Variants in NEXMIF observed in about 807,000 individuals in gnomAD.
NEXMIF encodes the protein XLMR protein related to neurite extension.
A neutral mutation model predicts 62.1 loss-of-function variants in NEXMIF; 8 were observed. The observed-to-expected ratio is 0.13, with a 90% CI of 0.08 to 0.23. NEXMIF has a LOEUF of 0.23. NEXMIF is among the 10% of genes least tolerant of loss of function. The probability of loss-of-function intolerance (pLI) is 1.00; values close to 1 mark genes in which losing one functional copy is unlikely to be tolerated. For missense variants in NEXMIF, 976 were observed against 1,113.3 expected, an observed-to-expected ratio of 0.88 and a Z score of 1.75; for synonymous variants, 404 against 416.6, an observed-to-expected ratio of 0.97 and a Z score of 0.37.
At chrX:74,852,087 GAC>G (rs2080516462) in intron 1 of NEXMIF, among the ~76,000 whole-genome samples, 1 of 110,246 alleles carries the variant, frequency 9.1e-6, no homozygotes, top group African/African-American at 3.3e-5. Context: ...CACCTGTAAA[GAC>G]ACATATAGAT....
At chrX:74,815,880 C>T (rs2080374546) in intron 1 of NEXMIF, among the ~76,000 whole-genome samples, 1 of 110,377 alleles carries the variant, frequency 9.1e-6, no homozygotes, top group Non-Finnish European at 1.9e-5. Context: ...GTGATCCACC[C>T]GCCTCGGCAT....
chrX:74,763,797 A>G (rs982192569), intron 1 of NEXMIF, among the ~76,000 whole-genome samples: 2 of 111,772 alleles, frequency 1.8e-5, no homozygotes, highest in Non-Finnish European at 3.8e-5. Flanking sequence ...AAGAATGCTT[A>G]TAATTTTTGC....
At chrX:74,849,972 A>G (rs1234197220) in intron 1 of NEXMIF, among the ~76,000 whole-genome samples, 1 of 112,315 alleles carries the variant, frequency 8.9e-6, no homozygotes, top group African/African-American at 3.2e-5. Flanking sequence ...CCATCCAAGC[A>G]TTCCACTAGA....
chrX:74,778,358 A>G (rs1304375479), intron 1 of NEXMIF, among the ~76,000 whole-genome samples: 11 of 111,206 alleles, frequency 9.9e-5, no homozygotes, highest in Non-Finnish European at 1.5e-4. Flanking sequence ...TACAGATTGT[A>G]TCTCCTCTGA....
At chrX:74,862,151 C>T (rs942527373) in intron 1 of NEXMIF, among the ~76,000 whole-genome samples, 1 of 111,137 alleles carries the variant, frequency 9.0e-6, no homozygotes, top group Non-Finnish European at 1.9e-5. Context: ...GGAAAATTTA[C>T]CCAGCCAATG....
At chrX:74,796,222 C>CATATATAATATATATATATATACAT (rs2080309577) in intron 1 of NEXMIF, among the ~76,000 whole-genome samples, 2 of 54,108 alleles carry the variant, frequency 3.7e-5, no homozygotes, top group Non-Finnish European at 6.2e-5. Flanking sequence ...TATATATATA[C>CATATATAATATATATATATATACAT]ATATATAATA....
At chrX:74,798,873 G>C (rs750932886) in intron 1 of NEXMIF, among the ~76,000 whole-genome samples, 2 of 109,063 alleles carry the variant, frequency 1.8e-5, no homozygotes, top group Admixed American at 2.0e-4. Flanking sequence ...GTAAAGAGAA[G>C]GGGAAGTAGA....
chrX:74,874,490 C>T (rs1244642213), intron 1 of NEXMIF, among the ~76,000 whole-genome samples: 1 of 109,766 alleles, frequency 9.1e-6, no homozygotes, highest in Non-Finnish European at 1.9e-5. Flanking sequence ...TTTTTTGGTT[C>T]CATATGAACT....
chrX:74,768,243 C>T (rs887386361), intron 1 of NEXMIF, among the ~76,000 whole-genome samples: 1 of 111,673 alleles, frequency 9.0e-6, no homozygotes, highest in African/African-American at 3.3e-5. Flanking sequence ...TCCCCTGGCT[C>T]CATGTCACTC....
At chrX:74,881,551 G>C (rs1463699508) in intron 1 of NEXMIF, among the ~76,000 whole-genome samples, 1 of 111,688 alleles carries the variant, frequency 9.0e-6, no homozygotes, top group African/African-American at 3.3e-5. Context: ...ACTTCTTTTT[G>C]TATGTGTGGT....
rs150067987 is a variant in NEXMIF at position 74,769,412 on chromosome X, C to G, written c.-47-23715G>C. Among the ~76,000 whole-genome samples the G allele has an allele frequency of 2.0e-3, 221 of 111,771 alleles. 1 individual carries two copies. The highest frequency in any genetic ancestry group is 3.5e-3 in the Non-Finnish European group (187 of 53,163). On this transcript the variant is annotated intron_variant, in intron 1 of 3. Coordinates refer to ENST00000055682, the MANE Select transcript of NEXMIF (RefSeq NM_001008537.3). The stretch of plus-strand genomic sequence containing the variant: ...AGGTATGCAGAAGGCACACAACATG[C>G]AATGAACCTGCTACAGTGCCAATTA...
At chrX:74,768,704 A>G (rs1341845599) in intron 1 of NEXMIF, among the ~76,000 whole-genome samples, 1 of 112,192 alleles carries the variant, frequency 8.9e-6, no homozygotes, top group African/African-American at 3.2e-5. Context: ...AACATTAAAG[A>G]ACAGGTTTAA....
rs1194260850 is a variant in NEXMIF at position 74,741,586 on chromosome X, A to G, written c.2971T>C (p.Phe991Leu). Residue 991 changes from phenylalanine to leucine, a missense_variant, in exon 3 of 4, where the codon TTT (phenylalanine) becomes CTT (leucine). This residue lies in a region of NEXMIF where 639 missense variants were observed against 694.5 expected (regional missense o/e 0.92). Transcript: ENST00000055682. ...AGTGGGGCCATTGAATCAAAGCTAA[A>G]GAGCCGACCATCATCCATATTGACT... The part of the protein sequence containing the change: ...GPVNMDDGRL[F>L]SFDSMAPLSV... The G allele has an allele frequency of 8.3e-7, 1 of 1,210,059 alleles. No homozygotes were observed. The highest frequency in any genetic ancestry group is 1.7e-5 in the African/African-American group (1 of 57,202).
intron 1 of NEXMIF, among the ~76,000 whole-genome samples, chrX:74,778,636 G>C (rs772294766): frequency 3.6e-5 from 4 of 112,051 alleles, no homozygotes; most frequent in Non-Finnish European, 7.5e-5. Context: ...TTCTCAGAGT[G>C]ACACAGCTTT....
chrX:74,797,650 C>G (rs2080316343), intron 1 of NEXMIF, among the ~76,000 whole-genome samples: 1 of 111,710 alleles, frequency 9.0e-6, no homozygotes, highest in African/African-American at 3.3e-5. Context: ...CTTTTTTCAA[C>G]TTCAGGCTTG....
intron 1 of NEXMIF, among the ~76,000 whole-genome samples, chrX:74,802,227 G>A (rs774442910): frequency 9.0e-6 from 1 of 111,038 alleles, no homozygotes; most frequent in Admixed American, 9.6e-5. Context: ...TGGTATCCAG[G>A]GAGTGGTTAC....
chrX:74,781,708 T>TGTGTATGTGAAAGCCTTAA (rs1556021456), intron 1 of NEXMIF, among the ~76,000 whole-genome samples: 2 of 66,863 alleles, frequency 3.0e-5, no homozygotes, highest in Admixed American at 3.6e-4. Flanking sequence ...CAGTGATTTA[T>TGTGTATGTGAAAGCCTTAA]GTGTATGTGA....
At chrX:74,905,884 A>AC (rs2080766818) in intron 1 of NEXMIF, among the ~76,000 whole-genome samples, 2 of 112,237 alleles carry the variant, frequency 1.8e-5, no homozygotes, top group Non-Finnish European at 3.8e-5. Context: ...AAAACGTTGA[A>AC]CTATTTCTTT....
At chrX:74,849,961 C>T (rs905145221) in intron 1 of NEXMIF, among the ~76,000 whole-genome samples, 1 of 112,163 alleles carries the variant, frequency 8.9e-6, no homozygotes. Context: ...CACTGCTGTT[C>T]CCATCCAAGC....
Sources: allele counts gnomAD v4.1 joint callset (sites outside exome capture counted in the v4.1 genomes callset), GRCh38; gene constraint gnomAD v4.1.1; regional missense constraint gnomAD v4.1.1; transcripts MANE v1.5; gene names NCBI Gene and HGNC (gene_info 2026-07-23, HGNC 2026-07-21).